DAZAP1: variants seen among roughly 807,000 people sequenced by gnomAD.
The protein encoded by DAZAP1 is DAZ associated protein 1.
Under a neutral mutation model 60.1 loss-of-function variants are expected in DAZAP1, and 6 were observed. The observed-to-expected ratio is 0.10, with a 90% confidence interval of 0.05 to 0.20. The LOEUF is 0.20. Ranked by LOEUF, DAZAP1 falls within the 10% of genes least tolerant of loss-of-function variation. DAZAP1 has a pLI of 1.00. For missense variants in DAZAP1, 366 were observed against 560.4 expected, an observed-to-expected ratio of 0.65 and a Z score of 3.50; for synonymous variants, 235 against 215.9, an observed-to-expected ratio of 1.09 and a Z score of -0.78.
rs566459161 is a variant in DAZAP1, at chr19:1,430,085, G to A, written c.730+89G>A. 2.8e-5 allele frequency: 44 copies of A among 1,581,132 alleles called. No homozygotes were observed. The Admixed American group carries it at 3.0e-4, about 11-fold the overall frequency. ...TGTCCTGGGGCAGCCGGCAAAGCCT[G>A]GTTCCCGTGTCCTGAGTGCTGGAGA... is the stretch of plus-strand genomic sequence containing the variant. On this transcript the variant is annotated intron_variant, in intron 9 of 11. Transcript: ENST00000233078.
In DAZAP1 at chr19:1,430,224, G is replaced by A; in HGVS notation, c.733G>A (p.Gly245Ser). ...CACCCCCGTACTGTGTGTTTCAGGT[G>A]GCTATGGACCGCCCCCTGCAGGAAG... is the stretch of plus-strand genomic sequence containing the variant. ...MWVPAGQAIG[G>S]YGPPPAGRGA... Residue 245 changes from glycine to serine, a missense_variant and splice_region_variant, in exon 10 of 12, where the codon GGC becomes AGC. Around this residue, in one of 3 missense-constraint regions of DAZAP1, gnomAD observed 240 missense variants for 308.8 expected, o/e 0.78. Transcript: ENST00000233078. 6.3e-7 allele frequency: 1 copy of A among 1,585,476 alleles called. No homozygotes were observed. The highest frequency in any genetic ancestry group is 8.6e-7 in the Non-Finnish European group (1 of 1,166,236).
At chr19:1,430,122 T>C (rs1459414405) in intron 9 of DAZAP1, 100 bp from the exon 10 acceptor site, 6 of 1,528,856 alleles carry the variant, frequency 3.9e-6, no homozygotes, top group Non-Finnish European at 5.4e-6. Context: ...GAAGAGAGGG[T>C]GAGGGGCCTG....
At chr19:1,424,449 A>G (rs2083255308) in intron 6 of DAZAP1, among the ~76,000 whole-genome samples, 1 of 145,162 alleles carries the variant, frequency 6.9e-6, no homozygotes, top group African/African-American at 2.6e-5. Context: ...AGGCTCCTGA[A>G]CCACAGTGAC....
intron 1 of DAZAP1, among the ~76,000 whole-genome samples, chr19:1,414,151 A>G (rs7253868): frequency 0.22 from 33,281 of 151,270 alleles, 5,698 homozygotes; most frequent in African/African-American, 0.46. Context: ...CCGAGTGGCT[A>G]GGATTACAGG....
At chr19:1,408,234 G>T (rs1600170006) in intron 1 of DAZAP1, among the ~76,000 whole-genome samples, 2 of 152,132 alleles carry the variant, frequency 1.3e-5, no homozygotes, top group Non-Finnish European at 2.9e-5. Context: ...GGTTGTGGCG[G>T]CCCCGAACGG....
chr19:1,420,129 C>A (rs1277110586), intron 4 of DAZAP1, among the ~76,000 whole-genome samples: 1 of 102,198 alleles, frequency 9.8e-6, no homozygotes, highest in Non-Finnish European at 1.9e-5. Flanking sequence ...CCATCCCGAA[C>A]GTCACGGCGG....
chr19:1,408,286 G>C (rs555899804), intron 1 of DAZAP1, among the ~76,000 whole-genome samples: 2 of 152,170 alleles, frequency 1.3e-5, no homozygotes, highest in African/African-American at 2.4e-5. Flanking sequence ...CCGCCTGTAG[G>C]GCTTCCTGGC....
rs796094828 is a variant in DAZAP1, at chr19:1,433,475, T to G, written c.1048+785T>G. On this transcript the variant is annotated intron_variant, in intron 11 of 11. Coordinates refer to ENST00000233078, the MANE Select transcript of DAZAP1 (RefSeq NM_018959.4). This position sits in a 1 kb window ranked among gnomAD's most constrained non-coding sequence, Gnocchi z 6.1. ...CCTGTGAACACGCTTCCTCTAGGCC[T>G]GGTGGAGGCCGGGGTGTGGGAGCTG... is the stretch of plus-strand genomic sequence containing the variant. The G allele has an allele frequency of 1.2e-5, 6 of 516,732 alleles. No homozygotes were observed. The highest frequency in any genetic ancestry group is 9.9e-5 in the Admixed American group (3 of 30,350). The allele number at this position is 516,732 out of a possible 1,614,324, so 32.0% of individuals were successfully genotyped here. A position where few individuals can be genotyped will look rare whatever the true frequency, so the allele number is the denominator to read the frequency against.
Position 1,415,463 on chromosome 19 carries a change from C to T in DAZAP1, c.30-2037C>T, listed in dbSNP as rs117873037. ...AGGATTGTGTAAATGAGCATTTTTC[C>T]GGTCGGTTCCAGCCAGGCTTGGGGG... is the stretch of plus-strand genomic sequence containing the variant. On this transcript the variant is annotated intron_variant, in intron 1 of 11. Transcript: ENST00000233078. Among the ~76,000 whole-genome samples the T allele has an allele frequency of 4.1e-3, 597 of 144,842 alleles. 2 individuals are homozygous for T. Among genetic ancestry groups the T allele is most frequent in the Middle Eastern group, 0.029 (8 of 278 alleles).
At chr19:1,407,831 TCCGCCCCGAGC>T in intron 1 of DAZAP1, 29 bp downstream of exon 1, 1 of 1,062,908 alleles carries the variant, frequency 9.4e-7, no homozygotes, top group Non-Finnish European at 1.1e-6. Context: ...GGCCTGCGTC[TCCGCCCCGAGC>T]CCGGCCCGCC....
rs265279 is a variant in DAZAP1, at chr19:1,415,399, T to G, written c.30-2101T>G. 5.2e-3 allele frequency among the ~76,000 whole-genome samples: 738 copies of G among 141,802 alleles called. 13 individuals carry two copies. Among genetic ancestry groups the G allele is most frequent in the African/African-American group, 0.017 (659 of 38,794 alleles). 93.0% of individuals were successfully genotyped at this position (141,802 alleles called of 152,430 possible). ...TGTGTGTGTGTGTGTGTTTTGTTTTTTTTTTTTTTTTTGAGAACTGCTTGA... is the reference window on the plus strand; with the variant it reads ...TGTGTGTGTGTGTGTGTTTTGTTTTGTTTTTTTTTTTTGAGAACTGCTTGA... On this transcript the variant is annotated intron_variant, in intron 1 of 11. Coordinates refer to ENST00000233078, the MANE Select transcript of DAZAP1 (RefSeq NM_018959.4).
chr19:1,415,137 A>G (rs2082939325), intron 1 of DAZAP1, among the ~76,000 whole-genome samples: 1 of 152,056 alleles, frequency 6.6e-6, no homozygotes, highest in Admixed American at 6.6e-5. Context: ...GAGCGTTTCT[A>G]GCCCTTCCCC....
In DAZAP1 at chr19:1,433,780, C is replaced by T; in HGVS notation, c.1049-957C>T. On this transcript the variant is annotated intron_variant, in intron 11 of 11. Transcript: ENST00000233078. The surrounding 1 kb of genome is among the most constrained non-coding windows in gnomAD (Gnocchi z 6.1). ...TCCAGCCCCGCCGGGCTGCGGCCCA[C>T]ACTTTGTTTACAGTCTTATGGTCAG... The T allele has an allele frequency of 6.2e-7, 1 of 1,614,038 alleles. No homozygotes were observed. The highest frequency in any genetic ancestry group is 8.5e-7 in the Non-Finnish European group (1 of 1,179,920).
In DAZAP1 at chr19:1,433,375, C is replaced by T; in HGVS notation, c.1048+685C>T. On this transcript the variant is annotated intron_variant, in intron 11 of 11. Transcript: ENST00000233078. The surrounding 1 kb of genome is among the most constrained non-coding windows in gnomAD (Gnocchi z 6.1). ...CTCCAACTACGGTCAGCTCCTCCAG[C>T]ACCAGGGGTCATTCACAAGCAGGGT... The T allele has an allele frequency of 3.4e-6, 1 of 294,320 alleles. No individual in the cohort carries two copies. The highest frequency in any genetic ancestry group is 2.2e-5 in the African/African-American group (1 of 45,332). The allele number at this position is 294,320 out of a possible 1,614,324, so 18.2% of individuals were successfully genotyped here.
intron 1 of DAZAP1, among the ~76,000 whole-genome samples, chr19:1,408,920 C>T (rs1424704394): frequency 6.6e-6 from 1 of 152,216 alleles, no homozygotes; most frequent in Non-Finnish European, 1.5e-5. Flanking sequence ...TCTCGGTGCC[C>T]TTAGCTTTGA....
Position 1,433,974 on chromosome 19 carries a change from C to A in DAZAP1, c.1049-763C>A, listed in dbSNP as rs2083526276. ...CCGGTGCCAAGACATTGGCCACAAG[C>A]CTTCAGCGGGCCCAGGATCCCCCAG... On this transcript the variant is annotated intron_variant, in intron 11 of 11. Coordinates refer to ENST00000233078, the MANE Select transcript of DAZAP1 (RefSeq NM_018959.4). This position sits in a 1 kb window ranked among gnomAD's most constrained non-coding sequence, Gnocchi z 6.1. 1.4e-6 allele frequency: 1 copy of A among 691,888 alleles called. No individual in the cohort carries two copies. The highest frequency in any genetic ancestry group is 2.4e-6 in the Non-Finnish European group (1 of 411,568). 42.9% of individuals were successfully genotyped at this position (691,888 alleles called of 1,614,324 possible).
rs1026633554 is a variant in DAZAP1, at chr19:1,428,542, G to C, written c.547-300G>C. The C allele has an allele frequency of 6.4e-6, 2 of 310,972 alleles. No homozygotes were observed. Among genetic ancestry groups the C allele is most frequent in the East Asian group, 6.8e-5 (1 of 14,626 alleles). The allele number at this position is 310,972 out of a possible 1,614,324, so 19.3% of individuals were successfully genotyped here. A position where few individuals can be genotyped will look rare whatever the true frequency, so the allele number is the denominator to read the frequency against. ...ATTTTACTTGAGTGAAAGACCCTTC[G>C]TCACGCACGAAACCCCCGAGGGCTC... On this transcript the variant is annotated intron_variant, in intron 7 of 11. Transcript: ENST00000233078. The surrounding 1 kb of genome is among the most constrained non-coding windows in gnomAD (Gnocchi z 4.0).
chr19:1,426,082 TG>T lies in DAZAP1; in HGVS notation c.546+123del. ...CGGGCGAGTTCGTCCTGTGAACCTT[TG>T]CTGCGTGAGGTGGGCCTGGGTCTGT... is the stretch of plus-strand genomic sequence containing the variant. On this transcript the variant is annotated intron_variant, in intron 7 of 11. Coordinates refer to ENST00000233078, the MANE Select transcript of DAZAP1 (RefSeq NM_018959.4). The surrounding 1 kb of genome is among the most constrained non-coding windows in gnomAD (Gnocchi z 5.4). The T allele has an allele frequency of 1.3e-6, 1 of 766,936 alleles. No homozygotes were observed. The highest frequency in any genetic ancestry group is 2.3e-6 in the Non-Finnish European group (1 of 427,962). The allele number at this position is 766,936 out of a possible 1,614,324, so 47.5% of individuals were successfully genotyped here.
chr19:1,430,054 G>T, intron 9 of DAZAP1, 58 bp downstream of exon 9: 1 of 1,579,916 alleles, frequency 6.3e-7, no homozygotes, highest in Non-Finnish European at 8.6e-7. Context: ...AGGCTGACTC[G>T]CCAGGTGTCC....
Sources: gnomAD v4.1 joint callset for allele counts (sites outside exome capture counted in the v4.1 genomes callset) on GRCh38, gnomAD v4.1.1 for gene constraint, gnomAD v4.1.1 regional missense constraint, Gnocchi (gnomAD v3.1) non-coding constraint, MANE v1.5 for transcripts, NCBI Gene and HGNC (gene_info 2026-07-23, HGNC 2026-07-21) for gene names.